TMIGD1: variants seen among roughly 807,000 people sequenced by gnomAD.
The protein encoded by TMIGD1 is transmembrane and immunoglobulin domain containing 1, also known as transmembrane and immunoglobulin domain-containing protein 1.
A neutral mutation model predicts 27.5 loss-of-function variants in TMIGD1; 29 were observed. The ratio of observed to expected loss-of-function variants is 1.05; its 90% CI spans 0.78 to 1.44. The LOEUF (loss-of-function observed/expected upper bound fraction) is 1.44, where lower values mean the gene tolerates loss of function less well. Among genes scored for constraint, TMIGD1 ranks in the 40% most tolerant of loss-of-function variants. The pLI is 0.00. For missense variants in TMIGD1, 334 were observed against 310.6 expected (o/e 1.08, Z -0.57); for synonymous variants, 109 against 110.3 (o/e 0.99, Z 0.07).
chr17:30,332,277 G>A, intron 1 of TMIGD1, 119 bp from the exon 2 acceptor site: 1 of 562,462 alleles, frequency 1.8e-6, no homozygotes, highest in Non-Finnish European at 3.1e-6. Flanking sequence ...AGCTATAACG[G>A]TACTACTTCT....
At position 30,324,867 on chromosome 17, in the gene TMIGD1, C is replaced by T. The variant is rs1400923139; in HGVS notation, c.589G>A (p.Ala197Thr). Reference protein sequence around the residue: ...KPDNGTYSCIAKSSLKTESLD... With the variant: ...KPDNGTYSCITKSSLKTESLD... ...CTCTCCGTTTTCAGAGATGACTTTGCAATACAACTGTAGGTTCCGTTGTCA... is the reference window on the plus strand; with the variant it reads ...CTCTCCGTTTTCAGAGATGACTTTGTAATACAACTGTAGGTTCCGTTGTCA... The change falls in exon 4 of 7, where the codon GCA (alanine) becomes ACA (threonine). Residue 197 changes from alanine (A) to threonine (T), a missense_variant. Physicochemically the swap from Ala to Thr is moderately conservative, Grantham distance 58. Transcript: ENST00000328886. 1 of 1,614,152 alleles carries T rather than the reference C, an allele frequency of 6.2e-7. No individual in the cohort carries two copies. The highest frequency in any genetic ancestry group is 2.2e-5 in the East Asian group (1 of 44,890).
chr17:30,317,314 G>T, intron 5 of TMIGD1, 81 bp from the exon 6 acceptor site: 2 of 1,508,284 alleles, frequency 1.3e-6, no homozygotes, highest in South Asian at 1.1e-5. Context: ...GATGGCTCGA[G>T]GACAGGTGTG....
chr17:30,331,446 CAG>C (rs1909974903), intron 2 of TMIGD1, among the ~76,000 whole-genome samples: 1 of 151,744 alleles, frequency 6.6e-6, no homozygotes, highest in Admixed American at 6.6e-5. Context: ...TTCAGATAAA[CAG>C]ATGATTATTT....
intron 3 of TMIGD1, among the ~76,000 whole-genome samples, chr17:30,328,822 G>A (rs1000801736): frequency 4.6e-5 from 7 of 151,848 alleles, no homozygotes; most frequent in Admixed American, 4.6e-4. Flanking sequence ...AAATTAGCTG[G>A]GCATGGTAGT....
chr17:30,329,590 C>G, intron 2 of TMIGD1, 61 bp from the exon 3 acceptor site: 1 of 1,434,080 alleles, frequency 7.0e-7, no homozygotes, highest in South Asian at 1.3e-5. Flanking sequence ...TGCTCATGAA[C>G]AGGGGATTGG....
At chr17:30,331,820 C>T (rs1909987625) in intron 2 of TMIGD1, among the ~76,000 whole-genome samples, 1 of 152,112 alleles carries the variant, frequency 6.6e-6, no homozygotes, top group Admixed American at 6.5e-5. Context: ...GATCTCCTGA[C>T]CTCATGATTC....
intron 6 of TMIGD1, 136 bp downstream of exon 6, chr17:30,317,057 T>C: frequency 9.6e-7 from 1 of 1,041,876 alleles, no homozygotes; most frequent in Non-Finnish European, 1.5e-6. Context: ...AGGCAGATTT[T>C]CCTCCACCTT....
intron 4 of TMIGD1, 46 bp downstream of exon 4, chr17:30,324,770 G>T: frequency 6.3e-7 from 1 of 1,576,458 alleles, no homozygotes; most frequent in Non-Finnish European, 8.7e-7. Flanking sequence ...TGAGCATCTG[G>T]TGTGAGTTTT....
chr17:30,323,009 A>T (rs1909668014), intron 4 of TMIGD1, among the ~76,000 whole-genome samples: 1 of 152,048 alleles, frequency 6.6e-6, no homozygotes, highest in Non-Finnish European at 1.5e-5. Context: ...CTCTCTACAA[A>T]AACAATTTTT....
chr17:30,318,417 G>A (rs1909491243), intron 5 of TMIGD1, among the ~76,000 whole-genome samples: 1 of 152,204 alleles, frequency 6.6e-6, no homozygotes, highest in Non-Finnish European at 1.5e-5. Flanking sequence ...CTATAGTCCA[G>A]AAGTGAGCAG....
chr17:30,329,945 C>A (rs1231985724), intron 2 of TMIGD1, among the ~76,000 whole-genome samples: 1 of 151,602 alleles, frequency 6.6e-6, no homozygotes, highest in Non-Finnish European at 1.5e-5. Context: ...ATTAGCCAGG[C>A]ATGGTGGTGT....
chr17:30,318,516 C>T (rs758649184), intron 5 of TMIGD1, among the ~76,000 whole-genome samples: 5 of 152,140 alleles, frequency 3.3e-5, no homozygotes, highest in Non-Finnish European at 7.4e-5. Context: ...ATCATAGCAA[C>T]AATAAAGGGC....
At chr17:30,332,275 C>T (rs1348223038) in intron 1 of TMIGD1, 117 bp from the exon 2 acceptor site, 18 of 583,164 alleles carry the variant, frequency 3.1e-5, no homozygotes, top group African/African-American at 7.6e-5. Context: ...CCAGCTATAA[C>T]GGTACTACTT....
At chr17:30,332,336 T>C (rs1244220999) in intron 1 of TMIGD1, among the ~76,000 whole-genome samples, 178 bp from the exon 2 acceptor site, 1 of 152,178 alleles carries the variant, frequency 6.6e-6, no homozygotes, top group Non-Finnish European at 1.5e-5. Context: ...GTACATTTAG[T>C]AGTAAGAAAT....
chr17:30,328,788 C>A (rs901818414), intron 3 of TMIGD1, among the ~76,000 whole-genome samples: 2 of 151,800 alleles, frequency 1.3e-5, no homozygotes, highest in Non-Finnish European at 1.5e-5. Flanking sequence ...AACCCCCCGT[C>A]TCTACTAAAA....
rs1597685840 is a variant in TMIGD1, at chr17:30,329,331, T to G, written c.281A>C (p.Glu94Ala). 6.2e-7 allele frequency: 1 copy of G among 1,614,144 alleles called. No individual in the cohort carries two copies. Among genetic ancestry groups the G allele is most frequent in the Non-Finnish European group, 8.5e-7 (1 of 1,180,018 alleles). ...GGTAAAGCTGATTCCGTTGTCATTT[T>G]CACTGATGGAAGAGACACAGACAGA... ...SSSVCVSSIS[E>A]NDNGISFTCR... The change falls in exon 3 of 7, where the codon GAA (glutamate) becomes GCA (alanine). Residue 94 changes from glutamate to alanine, a missense_variant. Coordinates refer to ENST00000328886, the MANE Select transcript of TMIGD1 (RefSeq NM_206832.3).
intron 1 of TMIGD1, among the ~76,000 whole-genome samples, chr17:30,332,738 A>G (rs2143194336): frequency 6.6e-6 from 1 of 152,198 alleles, no homozygotes; most frequent in East Asian, 1.9e-4. Context: ...AATAAATAAT[A>G]AAGGTGTCCT....
chr17:30,318,267 C>T (rs1017213214), intron 5 of TMIGD1, among the ~76,000 whole-genome samples: 8 of 152,074 alleles, frequency 5.3e-5, no homozygotes, highest in Admixed American at 3.9e-4. Flanking sequence ...GCCTTTTTTG[C>T]TCTCCTTTGG....
rs113138908 is a variant in TMIGD1, at chr17:30,320,041, A to AT, written c.641-1129dup. On this transcript the variant is annotated intron_variant, in intron 4 of 6. Coordinates refer to ENST00000328886, the MANE Select transcript of TMIGD1 (RefSeq NM_206832.3). The stretch of plus-strand genomic sequence containing the variant: ...CTAAACACCAGGTCAACTGAGAGCT[A>AT]TTTTTTTTTTTTTGAGACGGAGTTT... Among the ~76,000 whole-genome samples the AT allele has an allele frequency of 7.4e-3, 1,074 of 144,702 alleles. 7 individuals are homozygous for AT. The highest frequency in any genetic ancestry group is 0.028 in the Middle Eastern group (8 of 286). 94.9% of individuals were successfully genotyped at this position (144,702 alleles called of 152,430 possible).
Sources: allele counts gnomAD v4.1 joint callset (sites outside exome capture counted in the v4.1 genomes callset), GRCh38; gene constraint gnomAD v4.1.1; transcripts MANE v1.5; gene names NCBI Gene and HGNC (gene_info 2026-07-23, HGNC 2026-07-21).